Variants in PHIP observed in about 807,000 individuals in gnomAD.
PHIP encodes PH-interacting protein.
Under a neutral mutation model 236.8 loss-of-function variants are expected in PHIP, and 54 were observed. That is an observed-to-expected ratio of 0.23 (90% confidence interval 0.18 to 0.29). The LOEUF is 0.29. Among genes scored for constraint, PHIP ranks in the 10% least tolerant of loss-of-function variants. The pLI is 1.00. For missense variants in PHIP, 1,370 were observed against 2,190.8 expected (o/e 0.63, Z 7.48); for synonymous variants, 756 against 718.9 (o/e 1.05, Z -0.83).
Position 78,936,198 on chromosome 6 carries a change from G to T in PHIP, c.*4495C>A, listed in dbSNP as rs1477291475. On this transcript the variant is annotated 3_prime_UTR_variant, in exon 40 of 40. Transcript: ENST00000275034. ...TATTACATACAACAGATCTGCTTGT[G>T]TTTAAACATTGTTTTCTGTACAAAA... 2 of 151,398 alleles carry T rather than the reference G, an allele frequency of 1.3e-5. No individual in the cohort carries two copies. Among genetic ancestry groups the T allele is most frequent in the Non-Finnish European group, 3.0e-5 (2 of 67,496 alleles). 9.4% of individuals were successfully genotyped at this position (151,398 alleles called of 1,614,324 possible).
intron 30 of PHIP, among the ~76,000 whole-genome samples, chr6:78,962,368 G>A (rs1432548075): frequency 3.3e-5 from 5 of 152,002 alleles, no homozygotes; most frequent in Non-Finnish European, 2.9e-5. Flanking sequence ...TTGCTCATTC[G>A]CATATAATAC....
In PHIP at chr6:78,954,897, GT is replaced by G; in HGVS notation, c.3969del (p.Lys1323AsnfsTer7). The G allele has an allele frequency of 6.3e-7, 1 of 1,585,172 alleles. No individual in the cohort carries two copies. ...ATGAGATTTAACAATTCTTCACACT[GT>G]TTCTTCCATGCTTGAATATCGTAAG... ...AQSYDIQAWK[K>X]QCEELLNLIF... On this transcript the variant is annotated frameshift_variant, in exon 35 of 40. Transcript: ENST00000275034. LOFTEE classifies it high-confidence loss of function.
intron 17 of PHIP, among the ~76,000 whole-genome samples, chr6:79,000,027 A>T (rs1769884929): frequency 6.6e-6 from 1 of 152,068 alleles, no homozygotes; most frequent in South Asian, 2.1e-4. Context: ...CAACAAGCTA[A>T]TTTATTATTA....
chr6:79,075,588 A>C (rs1012964592), intron 4 of PHIP, among the ~76,000 whole-genome samples: 9 of 63,484 alleles, frequency 1.4e-4, no homozygotes, highest in South Asian at 1.2e-3. Flanking sequence ...CCCTCCCCCC[A>C]AAAATTAAAT....
In PHIP at chr6:79,025,531, G is replaced by A. The variant is rs1562188912; in HGVS notation, c.911C>T (p.Thr304Ile). The change falls in exon 9 of 40, where the codon ACC (threonine) becomes ATC (isoleucine). Residue 304 changes from threonine to isoleucine, a missense_variant. Around this residue, in one of 14 missense-constraint regions of PHIP, gnomAD observed 188 missense variants for 354.3 expected, o/e 0.53. Coordinates refer to ENST00000275034, the MANE Select transcript of PHIP (RefSeq NM_017934.7). ...AATAGAAACTGACTTTATTTTAAGG[G>A]TTCCAGCATCCCAGAGCCAAAAACA... ...TICFWLWDAG[T>I]LKINPRPAKF... The A allele has an allele frequency of 6.3e-7, 1 of 1,595,316 alleles. No homozygotes were observed. The highest frequency in any genetic ancestry group is 1.1e-5 in the South Asian group (1 of 90,608).
chr6:78,956,497 A>T (rs1026559202), intron 32 of PHIP: 3 of 152,160 alleles, frequency 2.0e-5, no homozygotes, highest in Non-Finnish European at 2.9e-5. Flanking sequence ...CATAGTGTAA[A>T]ACATGTTATT....
At chr6:79,031,937 A>AATATATATAT (rs1771689195) in intron 7 of PHIP, among the ~76,000 whole-genome samples, 1 of 152,234 alleles carries the variant, frequency 6.6e-6, no homozygotes, top group Non-Finnish European at 1.5e-5. Flanking sequence ...AATAAAAACA[A>AATATATATAT]ATATAGTCAT....
At chr6:78,992,647 G>T (rs1161364538) in intron 19 of PHIP, among the ~76,000 whole-genome samples, 1 of 151,944 alleles carries the variant, frequency 6.6e-6, no homozygotes, top group Non-Finnish European at 1.5e-5. Context: ...TCTGTTGTCA[G>T]TAATTTTTTA....
At chr6:79,044,657 C>T (rs1340661519) in intron 6 of PHIP, among the ~76,000 whole-genome samples, 1 of 152,020 alleles carries the variant, frequency 6.6e-6, no homozygotes, top group Non-Finnish European at 1.5e-5. Flanking sequence ...ACTTTAATTC[C>T]CTCTATCCAA....
chr6:79,068,385 C>T lies in PHIP; in HGVS notation c.190-7567G>A, dbSNP rs1246021027. On this transcript the variant is annotated intron_variant, in intron 4 of 39. Coordinates refer to ENST00000275034, the MANE Select transcript of PHIP (RefSeq NM_017934.7). ...GGCTGAAGCAGGAGAATTGCCTGAA[C>T]CCTGGAGACAGAGGTTGCAGTGAGC... is the stretch of plus-strand genomic sequence containing the variant. Among the ~76,000 whole-genome samples, 9 of 152,262 alleles carry T rather than the reference C, an allele frequency of 5.9e-5. No individual in the cohort carries two copies. In the East Asian group the frequency reaches 1.7e-3, roughly 29 times the overall value.
chr6:78,943,326 G>T (rs1773604056), intron 39 of PHIP, among the ~76,000 whole-genome samples: 2 of 152,188 alleles, frequency 1.3e-5, no homozygotes. Flanking sequence ...TCGAGTATTT[G>T]TAATACTCAA....
intron 6 of PHIP, among the ~76,000 whole-genome samples, chr6:79,045,375 T>C (rs937616699): frequency 6.6e-6 from 1 of 152,180 alleles, no homozygotes; most frequent in African/African-American, 2.4e-5. Context: ...TTTATAAAGA[T>C]AGAAGGATGA....
At chr6:79,054,677 CTAA>C (rs1028628863) in intron 6 of PHIP, among the ~76,000 whole-genome samples, 20 of 150,246 alleles carry the variant, frequency 1.3e-4, no homozygotes, top group Admixed American at 6.6e-5. Flanking sequence ...TAAAAAAATT[CTAA>C]TAATTATGTA....
intron 39 of PHIP, among the ~76,000 whole-genome samples, chr6:78,943,596 C>T (rs777788643): frequency 6.6e-6 from 1 of 152,096 alleles, no homozygotes; most frequent in Non-Finnish European, 1.5e-5. Context: ...ACATTAAGCT[C>T]AGATTCTTTG....
intron 4 of PHIP, among the ~76,000 whole-genome samples, chr6:79,074,985 A>G (rs1774076649): frequency 6.6e-6 from 1 of 152,152 alleles, no homozygotes; most frequent in Non-Finnish European, 1.5e-5. Context: ...TAGTTAATAC[A>G]ACAAATCATT....
rs1306239192 is a variant in PHIP, at chr6:79,078,014, A to G, written c.40+15T>C. 3.1e-6 allele frequency: 5 copies of G among 1,602,584 alleles called. No homozygotes were observed. The South Asian group carries it at 4.4e-5, about 14-fold the overall frequency. The stretch of plus-strand genomic sequence containing the variant: ...ATCGCCCGGTGCCAGCGGCCCCGGC[A>G]GCCCCCCGACTTACCCGATCGCAGC... On this transcript the variant is annotated intron_variant, in intron 1 of 39. Transcript: ENST00000275034.
intron 4 of PHIP, among the ~76,000 whole-genome samples, chr6:79,074,919 A>C (rs2127782433): frequency 6.6e-6 from 1 of 152,202 alleles, no homozygotes; most frequent in East Asian, 1.9e-4. Flanking sequence ...GTTTCCTAGA[A>C]ATTTCAATGC....
chr6:78,938,906 G>T lies in PHIP; in HGVS notation c.*1787C>A, dbSNP rs1275859749. ...TGACAGCTAATATTTATCCTTATCA[G>T]AAATAATTATGTAATGTATTTTGCC... On this transcript the variant is annotated 3_prime_UTR_variant, in exon 40 of 40. Coordinates refer to ENST00000275034, the MANE Select transcript of PHIP (RefSeq NM_017934.7). 2 of 151,478 alleles carry T rather than the reference G, an allele frequency of 1.3e-5. No individual in the cohort carries two copies. The highest frequency in any genetic ancestry group is 2.4e-5 in the African/African-American group (1 of 41,354). The allele number at this position is 151,478 out of a possible 1,614,324, so 9.4% of individuals were successfully genotyped here.
Position 78,965,967 on chromosome 6 carries a change from G to A in PHIP, c.3295C>T (p.Leu1099=). ...EPLQLEYPDS[L]FQCYNVCWDN... is the part of the protein sequence containing the mutation. ...TACCAAACATTGTAGCATTGAAACA[G>A]ACTATCAGGGTACTCAAGTTGAAGA... Residue 1099 remains leucine (L), a synonymous_variant, in exon 28 of 40, where the codon CTG becomes TTG. Coordinates refer to ENST00000275034, the MANE Select transcript of PHIP (RefSeq NM_017934.7). 8.7e-6 allele frequency: 14 copies of A among 1,608,132 alleles called. No individual in the cohort carries two copies. The highest frequency in any genetic ancestry group is 1.2e-5 in the Non-Finnish European group (14 of 1,174,572).
Sources: gnomAD v4.1 joint callset for allele counts (sites outside exome capture counted in the v4.1 genomes callset) on GRCh38, gnomAD v4.1.1 for gene constraint, gnomAD v4.1.1 regional missense constraint, MANE v1.5 for transcripts, NCBI Gene and HGNC (gene_info 2026-07-23, HGNC 2026-07-21) for gene names.